The following PRKAG2 variants were observed in gnomAD, a reference collection of about 807,000 sequenced individuals.
PRKAG2 encodes the protein protein kinase AMP-activated non-catalytic subunit gamma 2.
In PRKAG2, 26 loss-of-function variants were observed where a neutral mutation model predicts 69.6. The observed-to-expected ratio is 0.37, with a 90% CI of 0.27 to 0.52. The LOEUF (loss-of-function observed/expected upper bound fraction) is 0.52, where lower values mean the gene tolerates loss of function less well. Ranked by LOEUF, PRKAG2 falls within the 20% of genes least tolerant of loss-of-function variation. The probability of loss-of-function intolerance (pLI) is 0.90; values close to 1 mark genes in which losing one functional copy is unlikely to be tolerated. For missense variants in PRKAG2, 557 were observed against 740.0 expected, an observed-to-expected ratio of 0.75 and a Z score of 2.87; for synonymous variants, 293 against 285.0, an observed-to-expected ratio of 1.03 and a Z score of -0.28.
At chr7:151,706,890 G>C (rs951866576) in intron 3 of PRKAG2, among the ~76,000 whole-genome samples, 1 of 152,212 alleles carries the variant, frequency 6.6e-6, no homozygotes, top group Non-Finnish European at 1.5e-5. Context: ...GGACTAGATG[G>C]AGTAGGGCAC....
chr7:151,714,936 C>T (rs890667113), intron 3 of PRKAG2, among the ~76,000 whole-genome samples: 4 of 149,832 alleles, frequency 2.7e-5, no homozygotes, highest in Non-Finnish European at 5.9e-5. Context: ...GGCAACAGAG[C>T]GAGACTCCAT....
chr7:151,580,813 G>A (rs1490476296), intron 6 of PRKAG2, among the ~76,000 whole-genome samples: 1 of 150,944 alleles, frequency 6.6e-6, no homozygotes, highest in East Asian at 2.0e-4. Context: ...GTGGGGGTGG[G>A]TGCGGGGAGG....
chr7:151,619,214 A>G (rs141666853), intron 5 of PRKAG2, among the ~76,000 whole-genome samples: 504 of 152,338 alleles, frequency 3.3e-3, no homozygotes, highest in Middle Eastern at 0.01. Flanking sequence ...ACCACAGCCA[A>G]TGATTCCTTT....
chr7:151,698,022 G>A (rs919719766), intron 3 of PRKAG2, among the ~76,000 whole-genome samples: 6 of 152,190 alleles, frequency 3.9e-5, no homozygotes, highest in African/African-American at 1.4e-4. Flanking sequence ...AGCCCCCTGG[G>A]AAGCAGGCAC....
chr7:151,749,438 C>T (rs1362901119), intron 3 of PRKAG2, among the ~76,000 whole-genome samples: 5 of 152,168 alleles, frequency 3.3e-5, no homozygotes, highest in Non-Finnish European at 5.9e-5. Context: ...TACAGAGAAG[C>T]AGCATATGAA....
At chr7:151,686,937 T>A (rs182887341) in intron 3 of PRKAG2, among the ~76,000 whole-genome samples, 26 of 149,648 alleles carry the variant, frequency 1.7e-4, no homozygotes, top group East Asian at 3.9e-4. Context: ...TATTTCTATT[T>A]AAAAAAAAAA....
chr7:151,641,200 G>GCC (rs927837722), intron 4 of PRKAG2, among the ~76,000 whole-genome samples: 3 of 150,636 alleles, frequency 2.0e-5, no homozygotes, highest in Non-Finnish European at 4.4e-5. Context: ...GCCAGCTCTT[G>GCC]CCACCACCCT....
rs1403409227 is a variant in PRKAG2, at chr7:151,672,715, C to T, written c.684+2705G>A. 3.9e-5 allele frequency among the ~76,000 whole-genome samples: 6 copies of T among 152,144 alleles called. No homozygotes were observed. The East Asian group carries it at 1.2e-3, about 29-fold the overall frequency. ...CACTCCCTGCGTCGGAACTTCCTCT[C>T]TTTTTAAGGCTGGGTACTATTCCAT... is the stretch of plus-strand genomic sequence containing the variant. On this transcript the variant is annotated intron_variant, in intron 4 of 15. Coordinates refer to ENST00000287878, the MANE Select transcript of PRKAG2 (RefSeq NM_016203.4).
At chr7:151,723,177 T>C (rs1563524443) in intron 3 of PRKAG2, among the ~76,000 whole-genome samples, 1 of 152,180 alleles carries the variant, frequency 6.6e-6, no homozygotes, top group Non-Finnish European at 1.5e-5. Context: ...TCCAATACCC[T>C]TTCCCTAATG....
At chr7:151,639,538 G>T (rs1826319559) in intron 4 of PRKAG2, among the ~76,000 whole-genome samples, 1 of 152,188 alleles carries the variant, frequency 6.6e-6, no homozygotes, top group South Asian at 2.1e-4. Context: ...CATCTAATTA[G>T]CTGGGGGCCT....
At chr7:151,811,343 C>T (rs2078411553) in intron 1 of PRKAG2, among the ~76,000 whole-genome samples, 1 of 152,184 alleles carries the variant, frequency 6.6e-6, no homozygotes, top group Non-Finnish European at 1.5e-5. Flanking sequence ...AAATCAGGCT[C>T]AGGAGAAGGA....
chr7:151,715,976 T>C (rs1271377596), intron 3 of PRKAG2, among the ~76,000 whole-genome samples: 2 of 152,180 alleles, frequency 1.3e-5, no homozygotes, highest in African/African-American at 4.8e-5. Context: ...AAATGATATG[T>C]CTTGGATTTG....
At chr7:151,816,937 G>A (rs1220426360) in intron 1 of PRKAG2, among the ~76,000 whole-genome samples, 2 of 152,222 alleles carry the variant, frequency 1.3e-5, no homozygotes, top group Admixed American at 6.5e-5. Context: ...GCTACGCTTG[G>A]AGACCAGCGT....
At chr7:151,626,525 G>C (rs1019667950) in intron 5 of PRKAG2, among the ~76,000 whole-genome samples, 3 of 152,170 alleles carry the variant, frequency 2.0e-5, no homozygotes, top group Admixed American at 2.0e-4. Flanking sequence ...AGTTTGGAAA[G>C]CAGATAATCA....
At chr7:151,803,157 C>A (rs1311165607) in intron 1 of PRKAG2, among the ~76,000 whole-genome samples, 1 of 151,848 alleles carries the variant, frequency 6.6e-6, no homozygotes, top group African/African-American at 2.4e-5. Context: ...GGGGTTTCAC[C>A]ATGTTGGCCA....
chr7:151,750,751 T>A (rs899540137), intron 3 of PRKAG2, among the ~76,000 whole-genome samples: 1 of 152,076 alleles, frequency 6.6e-6, no homozygotes, highest in Non-Finnish European at 1.5e-5. Flanking sequence ...CACAGTGGTA[T>A]GTTCCTGTCG....
At chr7:151,774,010 C>T (rs776050612) in intron 3 of PRKAG2, among the ~76,000 whole-genome samples, 3 of 152,132 alleles carry the variant, frequency 2.0e-5, no homozygotes, top group Non-Finnish European at 4.4e-5. Context: ...AGAGGTGGCA[C>T]GCCAGATTTT....
At chr7:151,626,464 C>T (rs1455820518) in intron 5 of PRKAG2, among the ~76,000 whole-genome samples, 1 of 152,178 alleles carries the variant, frequency 6.6e-6, no homozygotes, top group Non-Finnish European at 1.5e-5. Flanking sequence ...AATCCAGAAA[C>T]AATAAGTCTC....
At chr7:151,842,079 GATGATGGTA>G (rs1476114752) in intron 1 of PRKAG2, among the ~76,000 whole-genome samples, 7 of 138,582 alleles carry the variant, frequency 5.1e-5, no homozygotes, top group African/African-American at 1.7e-4. Context: ...GGTAGGTAGT[GATGATGGTA>G]GTGATGGTAG....
Sources: allele counts gnomAD v4.1 joint callset (sites outside exome capture counted in the v4.1 genomes callset), GRCh38; gene constraint gnomAD v4.1.1; transcripts MANE v1.5; gene names NCBI Gene and HGNC (gene_info 2026-07-23, HGNC 2026-07-21).